Variants in LHFPL3 observed in about 807,000 individuals in gnomAD.
The protein encoded by LHFPL3 is LHFPL tetraspan subfamily member 3, also known as LHFPL tetraspan subfamily member 3 protein.
In LHFPL3, 5 loss-of-function variants were observed where a neutral mutation model predicts 19.3. That is an observed-to-expected ratio of 0.26 (90% CI 0.14 to 0.54). The LOEUF (loss-of-function observed/expected upper bound fraction) is 0.54, where lower values mean the gene tolerates loss of function less well. Ranked by LOEUF, LHFPL3 falls within the 20% of genes least tolerant of loss-of-function variation. The probability of loss-of-function intolerance (pLI) is 0.94; values close to 1 mark genes in which losing one functional copy is unlikely to be tolerated. For missense variants in LHFPL3, 249 were observed against 307.4 expected (o/e 0.81, Z 1.42); for synonymous variants, 133 against 126.2 (o/e 1.05, Z -0.36).
chr7:104,667,426 A>G (rs1380858745), intron 1 of LHFPL3, among the ~76,000 whole-genome samples: 3 of 152,136 alleles, frequency 2.0e-5, no homozygotes, highest in African/African-American at 7.2e-5. Flanking sequence ...TACTTCGTAG[A>G]TTTGACTTTT....
chr7:104,799,641 T>C (rs967904501), intron 2 of LHFPL3: 4 of 152,622 alleles, frequency 2.6e-5, no homozygotes, highest in Non-Finnish European at 4.4e-5. Context: ...CTCTTGGGTA[T>C]TGATGATCCT....
At chr7:104,642,034 CTTTTT>C (rs10583452) in intron 1 of LHFPL3, among the ~76,000 whole-genome samples, 91 of 111,930 alleles carry the variant, frequency 8.1e-4, no homozygotes, top group Middle Eastern at 4.4e-3. Flanking sequence ...TATGTTATTA[CTTTTT>C]TTTTTTTTTT....
intron 1 of LHFPL3, among the ~76,000 whole-genome samples, chr7:104,481,592 C>T (rs916890152): frequency 5.9e-5 from 9 of 151,846 alleles, no homozygotes; most frequent in African/African-American, 1.5e-4. Flanking sequence ...CTATAAATCC[C>T]GGGAGGATAT....
chr7:104,825,219 A>G (rs1323061970), intron 2 of LHFPL3, among the ~76,000 whole-genome samples: 4 of 151,838 alleles, frequency 2.6e-5, no homozygotes, highest in Admixed American at 2.6e-4. Context: ...TGATCAATTC[A>G]CTTCTCCACT....
At chr7:104,639,287 T>C (rs1791786485) in intron 1 of LHFPL3, among the ~76,000 whole-genome samples, 1 of 152,188 alleles carries the variant, frequency 6.6e-6, no homozygotes, top group South Asian at 2.1e-4. Context: ...TTCAGTTTCT[T>C]CCTGGTTCAG....
At chr7:104,520,927 T>C (rs1794046022) in intron 1 of LHFPL3, among the ~76,000 whole-genome samples, 2 of 149,452 alleles carry the variant, frequency 1.3e-5, no homozygotes, top group African/African-American at 5.0e-5. Flanking sequence ...TTTTGAAGGG[T>C]TTTTTGTGTC....
chr7:104,730,528 C>A (rs1183418666), intron 1 of LHFPL3, among the ~76,000 whole-genome samples: 10 of 152,318 alleles, frequency 6.6e-5, no homozygotes, highest in Non-Finnish European at 1.5e-5. Context: ...TGTCTGGTGG[C>A]TGCATAAATG....
At chr7:104,566,309 T>G (rs1790123838) in intron 1 of LHFPL3, among the ~76,000 whole-genome samples, 1 of 152,012 alleles carries the variant, frequency 6.6e-6, no homozygotes. Flanking sequence ...CGTAACCACA[T>G]CACTACACTC....
chr7:104,347,338 T>C (rs996324372), intron 1 of LHFPL3, among the ~76,000 whole-genome samples: 1 of 152,144 alleles, frequency 6.6e-6, no homozygotes, highest in African/African-American at 2.4e-5. Flanking sequence ...CTTTCCATAC[T>C]AGGCCTTTCT....
At chr7:104,408,934 G>A (rs1375563858) in intron 1 of LHFPL3, among the ~76,000 whole-genome samples, 1 of 146,022 alleles carries the variant, frequency 6.8e-6, no homozygotes, top group Non-Finnish European at 1.5e-5. Context: ...GCGCGATCTC[G>A]TCTCACTGCA....
At chr7:104,662,808 TA>T (rs1239649735) in intron 1 of LHFPL3, among the ~76,000 whole-genome samples, 1 of 152,182 alleles carries the variant, frequency 6.6e-6, no homozygotes, top group East Asian at 1.9e-4. Context: ...AATAATTTAA[TA>T]AAAGCAAAAA....
chr7:104,603,021 C>A, intron 1 of LHFPL3, among the ~76,000 whole-genome samples: 1 of 152,140 alleles, frequency 6.6e-6, no homozygotes, highest in Middle Eastern at 3.2e-3. Context: ...CACCTCTCAA[C>A]ACTGTTACAA....
intron 1 of LHFPL3, among the ~76,000 whole-genome samples, chr7:104,365,265 C>T (rs1177060341): frequency 1.3e-5 from 2 of 151,894 alleles, no homozygotes; most frequent in African/African-American, 4.8e-5. Flanking sequence ...CGCCATTGCA[C>T]TCCAGCCTGG....
intron 1 of LHFPL3, among the ~76,000 whole-genome samples, chr7:104,529,185 G>A (rs1358587107): frequency 1.3e-5 from 2 of 152,202 alleles, no homozygotes; most frequent in African/African-American, 4.8e-5. Flanking sequence ...ACTATGGTCA[G>A]AAGAATGTGA....
chr7:104,832,499 C>T (rs1790972481), intron 2 of LHFPL3, among the ~76,000 whole-genome samples: 1 of 151,714 alleles, frequency 6.6e-6, no homozygotes, highest in Non-Finnish European at 1.5e-5. Context: ...AAATTGAGTC[C>T]TAAAGCATTT....
At chr7:104,479,438 T>C (rs1317043396) in intron 1 of LHFPL3, among the ~76,000 whole-genome samples, 21 of 151,896 alleles carry the variant, frequency 1.4e-4, no homozygotes, top group Admixed American at 1.4e-3. Flanking sequence ...GTCACCCACG[T>C]TGGAGTGCAG....
At chr7:104,372,506 G>A in intron 1 of LHFPL3, among the ~76,000 whole-genome samples, 1 of 152,168 alleles carries the variant, frequency 6.6e-6, no homozygotes, top group South Asian at 2.1e-4. Context: ...AACTCAGTGT[G>A]CCGTTTGATA....
At chr7:104,567,381 C>A (rs1790144141) in intron 1 of LHFPL3, among the ~76,000 whole-genome samples, 1 of 152,138 alleles carries the variant, frequency 6.6e-6, no homozygotes, top group Middle Eastern at 3.2e-3. Context: ...GGTGCCAAGG[C>A]AGCTTTCATT....
intron 1 of LHFPL3, among the ~76,000 whole-genome samples, chr7:104,703,027 G>C (rs1793131007): frequency 6.6e-6 from 1 of 152,176 alleles, no homozygotes; most frequent in Non-Finnish European, 1.5e-5. Context: ...AAAGAACAAT[G>C]AAATAAAGAT....
Sources: gnomAD v4.1 joint callset for allele counts (sites outside exome capture counted in the v4.1 genomes callset) on GRCh38, gnomAD v4.1.1 for gene constraint, MANE v1.5 for transcripts, NCBI Gene and HGNC (gene_info 2026-07-23, HGNC 2026-07-21) for gene names.